Variants in ARHGAP5 observed in about 807,000 individuals in gnomAD.
The protein encoded by ARHGAP5 is rho GTPase-activating protein 5.
A neutral mutation model predicts 116.6 loss-of-function variants in ARHGAP5; 23 were observed. That is an observed-to-expected ratio of 0.20 (90% CI 0.14 to 0.28). ARHGAP5 has a LOEUF of 0.28. Ranked by LOEUF, ARHGAP5 falls within the 10% of genes least tolerant of loss-of-function variation. The probability of loss-of-function intolerance (pLI) is 1.00; values close to 1 mark genes in which losing one functional copy is unlikely to be tolerated. For missense variants in ARHGAP5, 1,405 were observed against 1,774.8 expected, an observed-to-expected ratio of 0.79 and a Z score of 3.74; for synonymous variants, 574 against 602.0, an observed-to-expected ratio of 0.95 and a Z score of 0.68.
At position 32,094,215 on chromosome 14, in the gene ARHGAP5, C is replaced by T. The variant is rs760633687; in HGVS notation, c.3546C>T (p.Thr1182=). 10 of 1,612,826 alleles carry T rather than the reference C, an allele frequency of 6.2e-6. No homozygotes were observed. Among genetic ancestry groups the T allele is most frequent in the South Asian group, 1.1e-5 (1 of 90,764 alleles). ...ATGCCAGTGATGATGAGGCTTTCAC[C>T]ACTTCTAAAACAAAAAGAAAAGGAA... is the stretch of plus-strand genomic sequence containing the variant. ...HSDASDDEAF[T]TSKTKRKGRH... Residue 1182 remains threonine, a synonymous_variant, in exon 2 of 7, where the codon ACC becomes ACT. Transcript: ENST00000345122.
chr14:32,091,284 G>A lies in ARHGAP5; in HGVS notation c.615G>A (p.Val205=), dbSNP rs2139015192. The change falls in exon 2 of 7, where the codon GTG becomes GTA. Residue 205 remains valine (V), a synonymous_variant. Transcript: ENST00000345122. Reference sequence around the variant, plus strand: ...CAGCAACTAAATGTGATGAATGCGTGGATCATTATCTTAGAGAAGTTCAGG... The same window carrying A: ...CAGCAACTAAATGTGATGAATGCGTAGATCATTATCTTAGAGAAGTTCAGG... ...IIAATKCDEC[V]DHYLREVQAF... is the part of the protein sequence containing the mutation. The A allele has an allele frequency of 1.2e-6, 2 of 1,613,286 alleles. No individual in the cohort carries two copies. The highest frequency in any genetic ancestry group is 1.6e-4 in the Middle Eastern group (1 of 6,062).
intron 1 of ARHGAP5, among the ~76,000 whole-genome samples, chr14:32,089,352 A>G (rs933089950): frequency 1.3e-5 from 2 of 151,348 alleles, no homozygotes; most frequent in Non-Finnish European, 3.0e-5. Context: ...TTTGTTCTTT[A>G]TTTTGTCTGG....
intron 3 of ARHGAP5, among the ~76,000 whole-genome samples, chr14:32,126,222 G>GTT (rs35105871): frequency 2.2e-4 from 33 of 151,608 alleles, no homozygotes; most frequent in Admixed American, 5.2e-4. Flanking sequence ...TCAGCTGTGG[G>GTT]TTTTTTTTGT....
At chr14:32,142,270 T>C (rs968930660) in intron 3 of ARHGAP5, among the ~76,000 whole-genome samples, 1 of 152,198 alleles carries the variant, frequency 6.6e-6, no homozygotes, top group African/African-American at 2.4e-5. Flanking sequence ...TAAATTTCTT[T>C]TTTTCCTGTA....
chr14:32,079,181 G>A (rs1183489321), intron 1 of ARHGAP5, among the ~76,000 whole-genome samples: 3 of 152,208 alleles, frequency 2.0e-5, no homozygotes, highest in Non-Finnish European at 2.9e-5. Context: ...ACTTAAAGCA[G>A]AATCAGACGG....
At chr14:32,099,921 T>A (rs373563468) in intron 2 of ARHGAP5, among the ~76,000 whole-genome samples, 1 of 152,210 alleles carries the variant, frequency 6.6e-6, no homozygotes, top group Admixed American at 6.5e-5. Flanking sequence ...GGTTTCGTTA[T>A]CTTTTGTTTT....
intron 2 of ARHGAP5, among the ~76,000 whole-genome samples, chr14:32,098,200 C>T (rs1375456702): frequency 6.6e-6 from 1 of 152,144 alleles, no homozygotes; most frequent in African/African-American, 2.4e-5. Flanking sequence ...TGTGTATGCT[C>T]ATTCTATCAT....
In ARHGAP5 at chr14:32,117,162, T is replaced by G. The variant is rs1381763196; in HGVS notation, c.3740T>G (p.Phe1247Cys). The change falls in exon 3 of 7, where the codon TTC (phenylalanine) becomes TGC (cysteine). Residue 1247 changes from phenylalanine (F) to cysteine (C), a missense_variant. This residue lies in a region of ARHGAP5 where 176 missense variants were observed against 221.2 expected (regional missense o/e 0.80). Transcript: ENST00000345122. ...DKKQKKKTKN[F>C]NPPTRRNWES... ...TAGCAGAAAAAGAAAACTAAGAACT[T>G]CAATCCACCAACACGTAGAAATTGG... 16 of 1,604,602 alleles carry G rather than the reference T, an allele frequency of 1.0e-5. No individual in the cohort carries two copies. The highest frequency in any genetic ancestry group is 1.2e-5 in the Non-Finnish European group (14 of 1,176,766).
intron 2 of ARHGAP5, among the ~76,000 whole-genome samples, chr14:32,095,420 T>G (rs188065524): frequency 1.3e-3 from 195 of 150,182 alleles, no homozygotes; most frequent in African/African-American, 4.1e-3. Context: ...TTTTTTGTTT[T>G]TTTTTTTTTG....
At chr14:32,086,233 G>A (rs1338562927) in intron 1 of ARHGAP5, among the ~76,000 whole-genome samples, 1 of 152,192 alleles carries the variant, frequency 6.6e-6, no homozygotes, top group Non-Finnish European at 1.5e-5. Flanking sequence ...AGCAGAATGA[G>A]AAAGGTAGAA....
Position 32,158,396 on chromosome 14 carries a change from G to C in ARHGAP5, c.*3448G>C, listed in dbSNP as rs1303567199. The C allele has an allele frequency of 6.6e-6, 1 of 151,886 alleles. No individual in the cohort carries two copies. The highest frequency in any genetic ancestry group is 1.5e-5 in the Non-Finnish European group (1 of 67,840). The allele number at this position is 151,886 out of a possible 1,614,324, so 9.4% of individuals were successfully genotyped here. On this transcript the variant is annotated 3_prime_UTR_variant, in exon 7 of 7. Coordinates refer to ENST00000345122, the MANE Select transcript of ARHGAP5 (RefSeq NM_001030055.2). Reference sequence around the variant, plus strand: ...ATTTCTAAGACTAAGATCTTACCTGGATGTGATTTTTGAGCTGTGGCTAGA... The same window carrying C: ...ATTTCTAAGACTAAGATCTTACCTGCATGTGATTTTTGAGCTGTGGCTAGA...
At chr14:32,144,670 G>T (rs1881294857) in intron 3 of ARHGAP5, among the ~76,000 whole-genome samples, 1 of 151,876 alleles carries the variant, frequency 6.6e-6, no homozygotes, top group Non-Finnish European at 1.5e-5. Flanking sequence ...TTTTAGTAGA[G>T]GTGGGTTTTC....
chr14:32,152,129 G>A (rs2139151326), intron 5 of ARHGAP5, among the ~76,000 whole-genome samples: 1 of 152,178 alleles, frequency 6.6e-6, no homozygotes, highest in South Asian at 2.1e-4. Flanking sequence ...ACGCATGCAG[G>A]GGATCTAGGT....
At chr14:32,135,313 C>T (rs900992244) in intron 3 of ARHGAP5, among the ~76,000 whole-genome samples, 1 of 152,170 alleles carries the variant, frequency 6.6e-6, no homozygotes, top group Non-Finnish European at 1.5e-5. Flanking sequence ...AAGCTGAAAG[C>T]AACTCATCTA....
chr14:32,079,366 G>C (rs1302951112), intron 1 of ARHGAP5, among the ~76,000 whole-genome samples: 2 of 152,064 alleles, frequency 1.3e-5, no homozygotes, highest in Non-Finnish European at 2.9e-5. Flanking sequence ...ATCTTTATGA[G>C]TTTTGTAGTG....
chr14:32,088,433 A>G (rs1299535197), intron 1 of ARHGAP5, among the ~76,000 whole-genome samples: 2 of 151,978 alleles, frequency 1.3e-5, no homozygotes, highest in African/African-American at 4.8e-5. Context: ...ATTGTTAGAT[A>G]TGGAATCATT....
chr14:32,078,127 C>T (rs1360067697), intron 1 of ARHGAP5: 1 of 150,194 alleles, frequency 6.7e-6, no homozygotes, highest in East Asian at 2.0e-4. Context: ...CAGATTCTTC[C>T]TCTCTTTCCA....
chr14:32,093,483 T>C lies in ARHGAP5; in HGVS notation c.2814T>C (p.Val938=). 1 of 1,612,916 alleles carries C rather than the reference T, an allele frequency of 6.2e-7. No homozygotes were observed. Among genetic ancestry groups the C allele is most frequent in the South Asian group, 1.1e-5 (1 of 90,810 alleles). Residue 938 remains valine (V), a synonymous_variant, in exon 2 of 7, where the codon GTT becomes GTC. Coordinates refer to ENST00000345122, the MANE Select transcript of ARHGAP5 (RefSeq NM_001030055.2). ...TEVFTLFFSD[V]LEKKNMIENS... ...TCTTTACTCTGTTTTTTAGTGATGT[T>C]CTAGAGAAAAAAAATATGATAGAAA...
chr14:32,150,710 C>G (rs1015498173), intron 5 of ARHGAP5, among the ~76,000 whole-genome samples: 2 of 152,214 alleles, frequency 1.3e-5, no homozygotes, highest in African/African-American at 4.8e-5. Flanking sequence ...GATTCCACCT[C>G]TCAACACTGT....
Sources: allele counts gnomAD v4.1 joint callset (sites outside exome capture counted in the v4.1 genomes callset), GRCh38; gene constraint gnomAD v4.1.1; regional missense constraint gnomAD v4.1.1; transcripts MANE v1.5; gene names NCBI Gene and HGNC (gene_info 2026-07-23, HGNC 2026-07-21).